The following COL4A4 variants were observed in gnomAD, a reference collection of about 807,000 sequenced individuals.
The protein encoded by COL4A4 is collagen alpha-4(IV) chain.
COL4A4 carries 105 observed loss-of-function variants against 192.9 expected under a neutral mutation model. That is an observed-to-expected ratio of 0.54 (90% CI 0.46 to 0.64). The LOEUF (loss-of-function observed/expected upper bound fraction) is 0.64, where lower values mean the gene tolerates loss of function less well. COL4A4 is among the 30% of genes least tolerant of loss of function. COL4A4 has a pLI of 0.00. For missense variants in COL4A4, 1,967 were observed against 2,169.3 expected (o/e 0.91, Z 1.85); for synonymous variants, 762 against 769.9 (o/e 0.99, Z 0.17).
intron 9 of COL4A4, 125 bp downstream of exon 9, chr2:227,111,553 C>A: frequency 2.0e-6 from 2 of 1,014,676 alleles, no homozygotes; most frequent in East Asian, 2.4e-5. Flanking sequence ...AACAGGGAAC[C>A]CACATTTTCA....
intron 4 of COL4A4, 114 bp downstream of exon 4, chr2:227,140,044 TACA>T: frequency 1.2e-6 from 1 of 835,342 alleles, no homozygotes; most frequent in Non-Finnish European, 2.0e-6. Flanking sequence ...GGCTGTGAAA[TACA>T]TAAACATTAT....
intron 44 of COL4A4, among the ~76,000 whole-genome samples, chr2:227,020,006 A>G (rs554177974): frequency 6.6e-6 from 1 of 152,290 alleles, no homozygotes; most frequent in East Asian, 1.9e-4. Flanking sequence ...ATAATCTACC[A>G]TTACTTTAAG....
chr2:227,066,765 C>A, intron 25 of COL4A4, among the ~76,000 whole-genome samples: 1 of 151,334 alleles, frequency 6.6e-6, no homozygotes, highest in East Asian at 1.9e-4. Flanking sequence ...CAAAATCATG[C>A]CAAAATGTAA....
chr2:227,007,280 C>G lies in COL4A4; in HGVS notation c.*45G>C, dbSNP rs201399874. On this transcript the variant is annotated 3_prime_UTR_variant, in exon 48 of 48. Coordinates refer to ENST00000396625, the MANE Select transcript of COL4A4 (RefSeq NM_000092.5). ...AGCACAGTCTAGGAAGTCTTAGCCC[C>G]CTAGGAAGTTTCTCTTGGCCACGTG... The G allele has an allele frequency of 7.4e-6, 12 of 1,613,404 alleles. No individual in the cohort carries two copies. The highest frequency in any genetic ancestry group is 7.6e-6 in the Non-Finnish European group (9 of 1,179,680).
chr2:227,019,402 G>A (rs4675138), intron 44 of COL4A4, among the ~76,000 whole-genome samples: 68,240 of 152,056 alleles, frequency 0.45, 15,430 homozygotes, highest in South Asian at 0.55. Flanking sequence ...GACCAAAGTT[G>A]CTGCTAGTTC....
Position 227,027,979 on chromosome 2 carries a change from G to T in COL4A4, c.4004C>A (p.Pro1335Gln). 6.2e-7 allele frequency: 1 copy of T among 1,613,136 alleles called. No individual in the cohort carries two copies. Among genetic ancestry groups the T allele is most frequent in the Non-Finnish European group, 8.5e-7 (1 of 1,179,512 alleles). Residue 1335 changes from proline to glutamine, a missense_variant, in exon 42 of 48, where the codon CCA (proline) becomes CAA (glutamine). Pro to Gln is a moderately conservative substitution (Grantham distance 76). Transcript: ENST00000396625. Reference protein sequence around the residue: ...GPVGFPGPQGPHGFPGPPGEK... With the variant: ...GPVGFPGPQGQHGFPGPPGEK... The stretch of plus-strand genomic sequence containing the variant: ...TCCAGGTGGCCCAGGAAATCCATGT[G>T]GTCCCTGCGGTCCCGGGAATCCCAC...
intron 37 of COL4A4, among the ~76,000 whole-genome samples, chr2:227,041,241 G>C (rs1465196792): frequency 6.6e-6 from 1 of 152,092 alleles, no homozygotes; most frequent in East Asian, 1.9e-4. Flanking sequence ...CTTCAAAACT[G>C]TACACCCAGC....
At chr2:226,979,723 C>A in the COL4A4 span, among the ~76,000 whole-genome samples, 2 of 152,198 alleles carry the variant, frequency 1.3e-5, no homozygotes, top group African/African-American at 4.8e-5. Flanking sequence ...CTCTCTCAGT[C>A]GCCTGACTTG....
chr2:227,016,236 CA>C (rs1274278375), intron 44 of COL4A4, among the ~76,000 whole-genome samples: 1 of 152,136 alleles, frequency 6.6e-6, no homozygotes, highest in Admixed American at 6.5e-5. Context: ...GATCGGGCCC[CA>C]AATGTCAGCA....
chr2:227,045,580 G>A (rs997279034), intron 35 of COL4A4, among the ~76,000 whole-genome samples: 10 of 151,472 alleles, frequency 6.6e-5, no homozygotes, highest in Admixed American at 1.3e-4. Flanking sequence ...GACCAGCCTA[G>A]CCAACATGAC....
the COL4A4 span, among the ~76,000 whole-genome samples, chr2:226,975,392 A>G: frequency 6.6e-6 from 1 of 152,200 alleles, no homozygotes; most frequent in Non-Finnish European, 1.5e-5. Flanking sequence ...GCTGGAGGTG[A>G]GGGAGGCCCG....
At chr2:227,162,629 T>A (rs577831376) in intron 1 of COL4A4, among the ~76,000 whole-genome samples, 1 of 152,348 alleles carries the variant, frequency 6.6e-6, no homozygotes, top group Non-Finnish European at 1.5e-5. Flanking sequence ...GAGTTTAATA[T>A]ATGTGCTTTT....
rs1204972939 is a variant in COL4A4, at chr2:227,039,927, G to A, written c.3505+2221C>T. On this transcript the variant is annotated intron_variant, in intron 37 of 47. Coordinates refer to ENST00000396625, the MANE Select transcript of COL4A4 (RefSeq NM_000092.5). ...ACGGAGAACAGTACAAAGATGTCTT[G>A]TGAAGGGAACTTTTCCTATCAAGTT... Among the ~76,000 whole-genome samples, 7 of 152,222 alleles carry A rather than the reference G, an allele frequency of 4.6e-5. No homozygotes were observed. The East Asian group carries it at 9.6e-4, about 21-fold the overall frequency.
downstream of COL4A4, among the ~76,000 whole-genome samples, chr2:226,999,586 G>A (rs191636467): frequency 1.2e-4 from 18 of 152,286 alleles, no homozygotes; most frequent in African/African-American, 4.1e-4. Flanking sequence ...TTAACATCTC[G>A]ATCAGATGAT....
rs1961889585 is a variant in COL4A4 at position 227,005,425 on chromosome 2, G to T, written c.*1900C>A. The T allele has an allele frequency of 6.6e-6, 1 of 152,098 alleles. No individual in the cohort carries two copies. The highest frequency in any genetic ancestry group is 6.5e-5 in the Admixed American group (1 of 15,272). The allele number at this position is 152,098 out of a possible 1,614,324, so 9.4% of individuals were successfully genotyped here. ...ATAAAGCTTTTTGGGAAGGAGAAAG[G>T]TAATCACAAATAAGATTGAAATTGG... On this transcript the variant is annotated 3_prime_UTR_variant, in exon 48 of 48. Coordinates refer to ENST00000396625, the MANE Select transcript of COL4A4 (RefSeq NM_000092.5).
rs772327384 is a variant in COL4A4 at position 227,104,019 on chromosome 2, T to G, written c.769A>C (p.Thr257Pro). 6.2e-7 allele frequency: 1 copy of G among 1,613,596 alleles called. No homozygotes were observed. The change falls in exon 13 of 48, where the codon ACC (threonine) becomes CCC (proline). Residue 257 changes from threonine (T) to proline (P), a missense_variant. Physicochemically the swap from Thr to Pro is conservative, Grantham distance 38 (BLOSUM62 -1). Coordinates refer to ENST00000396625, the MANE Select transcript of COL4A4 (RefSeq NM_000092.5). ...EVGQQGSPGP[T>P]LLVEPPDFCL... The stretch of plus-strand genomic sequence containing the variant: ...AAGTCAGGTGGCTCTACCAACAGGG[T>G]GGGTCCAGGAGAACCTTGCTGACCA...
chr2:227,030,692 A>C, intron 40 of COL4A4, 94 bp from the exon 41 acceptor site: 2 of 932,386 alleles, frequency 2.1e-6, no homozygotes, highest in East Asian at 5.1e-5. Context: ...CAATTCAATG[A>C]CTTGCAAGCA....
intron 37 of COL4A4, among the ~76,000 whole-genome samples, chr2:227,041,846 A>AAGAAAGAAAGAAAGAGAGAGAGAGAGAG (rs1559478097): frequency 4.1e-4 from 16 of 39,320 alleles, no homozygotes; most frequent in Non-Finnish European, 6.2e-4. Context: ...GAAAGAAAGA[A>AAGAAAGAAAGAAAGAGAGAGAGAGAGAG]AGAGAAAGAA....
At chr2:227,079,810 A>C (rs141673261) in intron 24 of COL4A4, among the ~76,000 whole-genome samples, 359 of 152,342 alleles carry the variant, frequency 2.4e-3, no homozygotes, top group African/African-American at 8.3e-3. Context: ...GGTTTCTGTG[A>C]TATTGTAAGC....
Sources: allele counts gnomAD v4.1 joint callset (sites outside exome capture counted in the v4.1 genomes callset), GRCh38; gene constraint gnomAD v4.1.1; transcripts MANE v1.5; gene names NCBI Gene and HGNC (gene_info 2026-07-23, HGNC 2026-07-21).